Variants in ACOX1 observed in about 807,000 individuals in gnomAD.
The protein encoded by ACOX1 is acyl-CoA oxidase 1, also known as peroxisomal acyl-coenzyme A oxidase 1.
In ACOX1, 41 loss-of-function variants were observed where a neutral mutation model predicts 75.5. The observed-to-expected ratio is 0.54, with a 90% CI of 0.42 to 0.70. The LOEUF (loss-of-function observed/expected upper bound fraction) is 0.70, where lower values mean the gene tolerates loss of function less well. ACOX1 is among the 30% of genes least tolerant of loss of function. The probability of loss-of-function intolerance (pLI) is 0.00; values close to 1 mark genes in which losing one functional copy is unlikely to be tolerated. For missense variants in ACOX1, 630 were observed against 837.5 expected (o/e 0.75, Z 3.06); for synonymous variants, 303 against 298.8 (o/e 1.01, Z -0.15).
Position 75,978,082 on chromosome 17 carries a change from CTTTATTTA to C in ACOX1, c.269+444_269+451del, listed in dbSNP as rs149370934. 1.5e-4 allele frequency among the ~76,000 whole-genome samples: 23 copies of C among 151,514 alleles called. No homozygotes were observed. The highest frequency in any genetic ancestry group is 3.4e-3 in the Middle Eastern group (1 of 294). ...ATCACATTATTTTTCACACATATAA[CTTTATTTA>C]TTTATTTATTTATTTATTTTTTGAG... On this transcript the variant is annotated intron_variant, in intron 2 of 13. Transcript: ENST00000293217. This position sits in a 1 kb window ranked among gnomAD's most constrained non-coding sequence, Gnocchi z 4.2.
chr17:75,951,660 T>G (rs1443245853), intron 7 of ACOX1, 83 bp from the exon 8 acceptor site: 2 of 1,438,804 alleles, frequency 1.4e-6, no homozygotes, highest in Non-Finnish European at 1.9e-6. Context: ...ATCTAAGCAC[T>G]TGGTATTTTA....
Position 75,946,687 on chromosome 17 carries a change from A to G in ACOX1, c.*61T>C. ...GCTATTTGAATTCGAAAAAGATTCCACAAAATTTGAGTTGCACACAGGCGC... is the reference window on the plus strand; with the variant it reads ...GCTATTTGAATTCGAAAAAGATTCCGCAAAATTTGAGTTGCACACAGGCGC... On this transcript the variant is annotated 3_prime_UTR_variant, in exon 14 of 14. Transcript: ENST00000293217. The G allele has an allele frequency of 6.7e-7, 1 of 1,486,256 alleles. No homozygotes were observed. The highest frequency in any genetic ancestry group is 1.1e-5 in the South Asian group (1 of 88,004). 92.1% of individuals were successfully genotyped at this position (1,486,256 alleles called of 1,614,324 possible).
chr17:75,953,920 CAGTAAAAG>C (rs2065797745), intron 6 of ACOX1, among the ~76,000 whole-genome samples: 1 of 152,204 alleles, frequency 6.6e-6, no homozygotes. Flanking sequence ...TTCACTGTCG[CAGTAAAAG>C]AAGCATCAGA....
At position 75,960,645 on chromosome 17, in the gene ACOX1, C is replaced by G. The variant is rs548975497; in HGVS notation, c.270-270G>C. ...GCAGCACAAAACCACACGTGCAAGGCAGAGGATCCTCGCCCAGGAATTAAA... is the reference window on the plus strand; with the variant it reads ...GCAGCACAAAACCACACGTGCAAGGGAGAGGATCCTCGCCCAGGAATTAAA... On this transcript the variant is annotated intron_variant, in intron 2 of 13. Transcript: ENST00000293217. The surrounding 1 kb of genome is among the most constrained non-coding windows in gnomAD (Gnocchi z 4.4). Among the ~76,000 whole-genome samples, 1 of 152,164 alleles carries G rather than the reference C, an allele frequency of 6.6e-6. No homozygotes were observed. Among genetic ancestry groups the G allele is most frequent in the Non-Finnish European group, 1.5e-5 (1 of 68,034 alleles).
rs2898586 is a variant in ACOX1 at position 75,960,802 on chromosome 17, G to A, written c.270-427C>T. 0.053 allele frequency among the ~76,000 whole-genome samples: 7,587 copies of A among 143,430 alleles called. 203 individuals are homozygous for A. Among genetic ancestry groups the A allele is most frequent in the East Asian group, 0.1 (478 of 4,742 alleles). The allele number at this position is 143,430 out of a possible 152,430, so 94.1% of individuals were successfully genotyped here. The stretch of plus-strand genomic sequence containing the variant: ...AGACCAGCCTGGCCAACATGGCAAA[G>A]CCCTGACTCTACTAAAAATACAAAA... On this transcript the variant is annotated intron_variant, in intron 2 of 13. Coordinates refer to ENST00000293217, the MANE Select transcript of ACOX1 (RefSeq NM_004035.7). The surrounding 1 kb of genome is among the most constrained non-coding windows in gnomAD (Gnocchi z 4.4).
At chr17:75,975,437 G>A (rs538930931) in intron 2 of ACOX1, among the ~76,000 whole-genome samples, 50 of 152,308 alleles carry the variant, frequency 3.3e-4, no homozygotes, top group African/African-American at 1.1e-3. Flanking sequence ...GGGATTACAG[G>A]CGTGAGCCAC....
chr17:75,961,465 CAAAAAA>C (rs142857967), intron 2 of ACOX1, among the ~76,000 whole-genome samples: 1 of 50,786 alleles, frequency 2.0e-5, no homozygotes, highest in Non-Finnish European at 3.6e-5. Context: ...ACTAAAAATA[CAAAAAA>C]AAAAAAAAAA....
chr17:75,971,818 C>T (rs1053779383), intron 2 of ACOX1, among the ~76,000 whole-genome samples: 1 of 151,816 alleles, frequency 6.6e-6, no homozygotes, highest in South Asian at 2.1e-4. Context: ...ATTAGACCAA[C>T]AAGAGGTAAG....
chr17:75,945,253 A>T lies in ACOX1; in HGVS notation c.*1495T>A, dbSNP rs1301044349. On this transcript the variant is annotated 3_prime_UTR_variant, in exon 14 of 14. Coordinates refer to ENST00000293217, the MANE Select transcript of ACOX1 (RefSeq NM_004035.7). ...GAAACAATTCTACATCTAGCAGGTC[A>T]GTTTATCATTTTCCAGAATCTGAAC... 6.6e-6 allele frequency: 1 copy of T among 152,208 alleles called. No homozygotes were observed. The highest frequency in any genetic ancestry group is 1.5e-5 in the Non-Finnish European group (1 of 68,038). The allele number at this position is 152,208 out of a possible 1,614,324, so 9.4% of individuals were successfully genotyped here.
chr17:75,964,379 T>C (rs1460918653), intron 2 of ACOX1, among the ~76,000 whole-genome samples: 2 of 152,092 alleles, frequency 1.3e-5, no homozygotes, highest in Non-Finnish European at 2.9e-5. Flanking sequence ...ACACTTTTCA[T>C]GCTTTTATGG....
intron 3 of ACOX1, among the ~76,000 whole-genome samples, chr17:75,958,495 C>A: frequency 6.8e-6 from 1 of 147,116 alleles, no homozygotes; most frequent in South Asian, 2.1e-4. Flanking sequence ...GGTGAAACCC[C>A]GTCTCTACTA....
In ACOX1 at chr17:75,955,607, G is replaced by C. The variant is rs2065817009; in HGVS notation, c.733C>G (p.His245Asp). 6.2e-7 allele frequency: 1 copy of C among 1,614,022 alleles called. No individual in the cohort carries two copies. Among genetic ancestry groups the C allele is most frequent in the Admixed American group, 1.7e-5 (1 of 59,980 alleles). Residue 245 changes from histidine (H) to aspartate (D), a missense_variant, in exon 6 of 14, where the codon CAT (histidine) becomes GAT (aspartate). By Grantham distance (81) the His-to-Asp change is moderately conservative. Around this residue, in one of 2 missense-constraint regions of ACOX1, gnomAD observed 390 missense variants for 574.9 expected, o/e 0.68. Coordinates refer to ENST00000293217, the MANE Select transcript of ACOX1 (RefSeq NM_004035.7). ...IDNGYLKMDNHRIPRENMLMK... is the reference protein window; with the variant it reads ...IDNGYLKMDNDRIPRENMLMK... The stretch of plus-strand genomic sequence containing the variant: ...AGCATGTTTTCTCTGGGAATACGAT[G>C]GTTGTCCATTTTGAGGTAGCCATTG...
rs774570255 is a variant in ACOX1, at chr17:75,955,628, C to T, written c.712G>A (p.Gly238Ser). Residue 238 changes from glycine to serine, a missense_variant, in exon 6 of 14, where the codon GGC (glycine) becomes AGC (serine). Around this residue, in one of 2 missense-constraint regions of ACOX1, gnomAD observed 390 missense variants for 574.9 expected, o/e 0.68. Coordinates refer to ENST00000293217, the MANE Select transcript of ACOX1 (RefSeq NM_004035.7). ...PKFGYDEIDN[G>S]YLKMDNHRIP... ...CGATGGTTGTCCATTTTGAGGTAGC[C>T]ATTGTCTATCTCATCATAACCAAAT... is the stretch of plus-strand genomic sequence containing the variant. The T allele has an allele frequency of 9.3e-6, 15 of 1,614,170 alleles. No homozygotes were observed. Among genetic ancestry groups the T allele is most frequent in the East Asian group, 2.2e-5 (1 of 44,886 alleles).
rs55909021 is a variant in ACOX1, at chr17:75,968,435, CAAAAA to C, written c.270-8065_270-8061del. ...TGGGCGACAGAGCGAGACTCCGTCT[CAAAAA>C]AAAAAAAAAAAAAAAGTTAGCCGGG... On this transcript the variant is annotated intron_variant, in intron 2 of 13. Coordinates refer to ENST00000293217, the MANE Select transcript of ACOX1 (RefSeq NM_004035.7). 6.2e-4 allele frequency among the ~76,000 whole-genome samples: 13 copies of C among 21,008 alleles called. 1 individual carries two copies. The highest frequency in any genetic ancestry group is 1.9e-3 in the African/African-American group (5 of 2,626). The allele number at this position is 21,008 out of a possible 152,430, so 13.8% of individuals were successfully genotyped here.
chr17:75,964,178 CAAAAA>C (rs60919786), intron 2 of ACOX1, among the ~76,000 whole-genome samples: 2 of 84,504 alleles, frequency 2.4e-5, no homozygotes, highest in Non-Finnish European at 2.5e-5. Flanking sequence ...GACTCCATCT[CAAAAA>C]AAAAAAAAAA....
At position 75,978,627 on chromosome 17, in the gene ACOX1, C is replaced by A; in HGVS notation, c.176G>T (p.Arg59Leu). The stretch of plus-strand genomic sequence containing the variant: ...ACTTTTCCTGACAGCCACCTCATAA[C>A]GCTGGCTGCGAGTGAGGAAGTTCAA... Reference protein sequence around the residue: ...EDLNFLTRSQRYEVAVRKSAI... With the variant: ...EDLNFLTRSQLYEVAVRKSAI... Residue 59 changes from arginine to leucine, a missense_variant, in exon 2 of 14, where the codon CGT becomes CTT. Physicochemically the swap from Arg to Leu is moderately radical, Grantham distance 102. Around this residue, in one of 2 missense-constraint regions of ACOX1, gnomAD observed 390 missense variants for 574.9 expected, o/e 0.68. Transcript: ENST00000293217. The surrounding 1 kb of genome is among the most constrained non-coding windows in gnomAD (Gnocchi z 4.2). The A allele has an allele frequency of 6.2e-7, 1 of 1,614,212 alleles. No homozygotes were observed. The highest frequency in any genetic ancestry group is 8.5e-7 in the Non-Finnish European group (1 of 1,180,034).
At position 75,956,969 on chromosome 17, in the gene ACOX1, CTCTATATATATATATA is replaced by C. The variant is rs1567878034; in HGVS notation, c.538+474_538+489del. Among the ~76,000 whole-genome samples, 71 of 9,012 alleles carry C rather than the reference CTCTATATATATATATA, an allele frequency of 7.9e-3. 1 individual carries two copies. Among genetic ancestry groups the C allele is most frequent in the Admixed American group, 0.021 (14 of 676 alleles). The allele number at this position is 9,012 out of a possible 152,430, so 5.9% of individuals were successfully genotyped here. On this transcript the variant is annotated intron_variant, in intron 4 of 13. Transcript: ENST00000293217. ...TCTCTCTCTCTCTCTCTCTCTCTCT[CTCTATATATATATATA>C]TATATATATATATATATATATATAC...
At chr17:75,956,536 A>G (rs1598181365) in intron 4 of ACOX1, among the ~76,000 whole-genome samples, 1 of 151,976 alleles carries the variant, frequency 6.6e-6, no homozygotes, top group East Asian at 1.9e-4. Context: ...AAAAATACAA[A>G]AATTAGTTGG....
At chr17:75,975,691 C>T (rs1236721821) in intron 2 of ACOX1, among the ~76,000 whole-genome samples, 1 of 152,138 alleles carries the variant, frequency 6.6e-6, no homozygotes, top group Non-Finnish European at 1.5e-5. Context: ...TGCCTGTAAT[C>T]CCAGCATTTT....
Sources: gnomAD v4.1 joint callset for allele counts (sites outside exome capture counted in the v4.1 genomes callset) on GRCh38, gnomAD v4.1.1 for gene constraint, gnomAD v4.1.1 regional missense constraint, Gnocchi (gnomAD v3.1) non-coding constraint, MANE v1.5 for transcripts, NCBI Gene and HGNC (gene_info 2026-07-23, HGNC 2026-07-21) for gene names.